The following SPEF2 variants were observed in gnomAD, a reference collection of about 807,000 sequenced individuals.
SPEF2 encodes the protein sperm flagella and cilia-associated protein 2.
SPEF2 carries 187 observed loss-of-function variants against 224.6 expected under a neutral mutation model. The ratio of observed to expected loss-of-function variants is 0.83; its 90% CI spans 0.74 to 0.94. The LOEUF (loss-of-function observed/expected upper bound fraction) is 0.94, where lower values mean the gene tolerates loss of function less well. Ranked by LOEUF, SPEF2 falls within the 40% of genes least tolerant of loss-of-function variation. SPEF2 has a pLI of 0.00. For missense variants in SPEF2, 2,170 were observed against 2,135.6 expected (o/e 1.02, Z -0.32); for synonymous variants, 715 against 707.3 (o/e 1.01, Z -0.17).
intron 29 of SPEF2, among the ~76,000 whole-genome samples, chr5:35,778,263 T>C (rs1753871189): frequency 6.6e-6 from 1 of 152,208 alleles, no homozygotes; most frequent in Non-Finnish European, 1.5e-5. Flanking sequence ...TGTATAAAAC[T>C]TCTCTAGCCT....
chr5:35,761,761 C>T (rs1323254194), intron 25 of SPEF2, among the ~76,000 whole-genome samples: 2 of 152,172 alleles, frequency 1.3e-5, no homozygotes, highest in Non-Finnish European at 2.9e-5. Context: ...TCGAGAGTGG[C>T]AGTACATTCT....
intron 24 of SPEF2, among the ~76,000 whole-genome samples, chr5:35,758,228 A>G (rs1206249706): frequency 1.3e-5 from 2 of 152,126 alleles, no homozygotes; most frequent in African/African-American, 4.8e-5. Flanking sequence ...TTTTCTTTTT[A>G]CAAAGATGCT....
intron 21 of SPEF2, among the ~76,000 whole-genome samples, chr5:35,735,491 T>G (rs1746434267): frequency 6.6e-6 from 1 of 152,098 alleles, no homozygotes; most frequent in Admixed American, 6.5e-5. Context: ...ACATGAGTTG[T>G]GCAACACTGA....
intron 2 of SPEF2, among the ~76,000 whole-genome samples, chr5:35,639,633 C>G (rs1250856550): frequency 1.3e-5 from 2 of 151,006 alleles, no homozygotes; most frequent in African/African-American, 2.4e-5. Context: ...TATTTTTATT[C>G]CTTCACAAAT....
At chr5:35,707,015 G>T (rs934639748) in intron 18 of SPEF2, among the ~76,000 whole-genome samples, 3 of 152,236 alleles carry the variant, frequency 2.0e-5, no homozygotes, top group South Asian at 2.1e-4. Flanking sequence ...TAAAGAGTTT[G>T]CATTCTAATA....
At chr5:35,722,270 C>T (rs1202237691) in intron 20 of SPEF2, among the ~76,000 whole-genome samples, 1 of 151,944 alleles carries the variant, frequency 6.6e-6, no homozygotes, top group East Asian at 1.9e-4. Flanking sequence ...TGGTCAGGAC[C>T]CTGGGACCAT....
chr5:35,641,595 A>G lies in SPEF2; in HGVS notation c.326A>G (p.Lys109Arg), dbSNP rs761068194. The G allele has an allele frequency of 6.2e-7, 1 of 1,613,838 alleles. No individual in the cohort carries two copies. Among genetic ancestry groups the G allele is most frequent in the South Asian group, 1.1e-5 (1 of 91,072 alleles). The change falls in exon 3 of 37, where the codon AAA becomes AGA. Residue 109 changes from lysine (K) to arginine (R), a missense_variant. Coordinates refer to ENST00000356031, the MANE Select transcript of SPEF2 (RefSeq NM_024867.4). ...QLYIALQKKK[K>R]SGLTGVEMQT... ...TACATTGCTCTTCAGAAAAAGAAGA[A>G]AAGTGGACTGACTGGAGTGGAGATG... is the stretch of plus-strand genomic sequence containing the variant.
chr5:35,774,168 GT>G (rs1753274878), intron 28 of SPEF2, 147 bp downstream of exon 28: 1 of 1,141,552 alleles, frequency 8.8e-7, no homozygotes, highest in African/African-American at 1.6e-5. Flanking sequence ...TCAGTTGACT[GT>G]TTTCGTTTGA....
At chr5:35,686,211 A>G (rs977074565) in intron 10 of SPEF2, among the ~76,000 whole-genome samples, 4 of 152,122 alleles carry the variant, frequency 2.6e-5, no homozygotes, top group Admixed American at 6.5e-5. Flanking sequence ...AATTTTCAGT[A>G]TTCCACTATG....
chr5:35,731,363 A>T (rs1745614081), intron 21 of SPEF2, among the ~76,000 whole-genome samples: 1 of 152,212 alleles, frequency 6.6e-6, no homozygotes, highest in African/African-American at 2.4e-5. Flanking sequence ...GAAGAAACAG[A>T]CAAGCACACA....
intron 23 of SPEF2, among the ~76,000 whole-genome samples, chr5:35,752,358 G>T (rs540805693): frequency 1.5e-4 from 23 of 152,100 alleles, no homozygotes; most frequent in Non-Finnish European, 3.1e-4. Flanking sequence ...GTGAAGTCAT[G>T]GCTCATTGCA....
intron 1 of SPEF2, 110 bp downstream of exon 1, chr5:35,618,165 G>C: frequency 8.3e-7 from 1 of 1,207,196 alleles, no homozygotes; most frequent in Non-Finnish European, 1.2e-6. Flanking sequence ...GAGCTGCACA[G>C]GTGGGGCACC....
At chr5:35,784,203 C>G (rs778598014) in intron 30 of SPEF2, among the ~76,000 whole-genome samples, 1 of 151,558 alleles carries the variant, frequency 6.6e-6, no homozygotes, top group Admixed American at 6.6e-5. Context: ...TCTTTGCTCA[C>G]TGCAAGCTCT....
intron 32 of SPEF2, among the ~76,000 whole-genome samples, chr5:35,794,922 C>T (rs549099080): frequency 1.3e-5 from 2 of 152,168 alleles, no homozygotes; most frequent in Admixed American, 1.3e-4. Flanking sequence ...CTCAGGTCCC[C>T]CTCCTCTGAA....
intron 19 of SPEF2, among the ~76,000 whole-genome samples, chr5:35,711,763 A>AC (rs1282076005): frequency 9.8e-5 from 1 of 10,210 alleles, no homozygotes; most frequent in East Asian, 3.7e-3. Context: ...TGTGATATTT[A>AC]ATGTAAGTGA....
At chr5:35,730,446 C>A (rs1395014898) in intron 21 of SPEF2, among the ~76,000 whole-genome samples, 1 of 152,262 alleles carries the variant, frequency 6.6e-6, no homozygotes, top group East Asian at 1.9e-4. Flanking sequence ...CTCCCTGAAA[C>A]TGGGCCCAGG....
chr5:35,618,848 A>AT (rs1299287257), intron 1 of SPEF2, among the ~76,000 whole-genome samples: 1 of 148,768 alleles, frequency 6.7e-6, no homozygotes, highest in Admixed American at 6.7e-5. Context: ...TCAGGAGTTC[A>AT]TTTTTCAGTT....
intron 30 of SPEF2, chr5:35,788,927 G>A (rs576438884): frequency 1.4e-6 from 1 of 703,030 alleles, no homozygotes; most frequent in East Asian, 2.7e-5. Flanking sequence ...CCTTCGACCT[G>A]TGATGCCTTC....
chr5:35,626,482 G>A lies in SPEF2; in HGVS notation c.59-1978G>A, dbSNP rs149795472. Among the ~76,000 whole-genome samples the A allele has an allele frequency of 3.1e-3, 472 of 152,230 alleles. 6 individuals are homozygous for A. Among genetic ancestry groups the A allele is most frequent in the African/African-American group, 0.011 (444 of 41,522 alleles). ...TGAACACAAGGTTATGTGATTGGAA[G>A]CTTTCATTTTCCTAGGGCTTATAAA... On this transcript the variant is annotated intron_variant, in intron 1 of 36. Transcript: ENST00000356031.
Sources: gnomAD v4.1 joint callset for allele counts (sites outside exome capture counted in the v4.1 genomes callset) on GRCh38, gnomAD v4.1.1 for gene constraint, MANE v1.5 for transcripts, NCBI Gene and HGNC (gene_info 2026-07-23, HGNC 2026-07-21) for gene names.